The following SLC24A2 variants were observed in gnomAD, a reference collection of about 807,000 sequenced individuals.
SLC24A2 encodes the protein solute carrier family 24 member 2, also known as sodium/potassium/calcium exchanger 2.
In SLC24A2, 36 loss-of-function variants were observed where a neutral mutation model predicts 62.0. The ratio of observed to expected loss-of-function variants is 0.58; its 90% CI spans 0.44 to 0.77. The LOEUF (loss-of-function observed/expected upper bound fraction) is 0.77. SLC24A2 is among the 30% of genes least tolerant of loss of function. The pLI is 0.00. For missense variants in SLC24A2, 846 were observed against 817.9 expected (o/e 1.03, Z -0.42); for synonymous variants, 358 against 294.0 (o/e 1.22, Z -2.23).
chr9:19,851,008 C>CAT, the SLC24A2 span, among the ~76,000 whole-genome samples: 188 of 31,510 alleles, frequency 6.0e-3, 16 homozygotes, highest in African/African-American at 0.013. Flanking sequence ...TATACACATA[C>CAT]ATATATATAT....
At chr9:19,893,398 A>G in the SLC24A2 span, among the ~76,000 whole-genome samples, 1 of 152,138 alleles carries the variant, frequency 6.6e-6, no homozygotes, top group African/African-American at 2.4e-5. Context: ...AACACCACAC[A>G]TCTTGGATCA....
Position 19,701,348 on chromosome 9 carries a change from G to A in SLC24A2, c.931-79049C>T, listed in dbSNP as rs531840445. ...TTCTGGCTGATTTCTAACTGCCAGC[G>A]TCTACCCACCTTTAGTTGAGTGCTA... On this transcript the variant is annotated intron_variant, in intron 2 of 10. Coordinates refer to ENST00000341998, the MANE Select transcript of SLC24A2 (RefSeq NM_020344.4). 9.2e-5 allele frequency among the ~76,000 whole-genome samples: 14 copies of A among 152,274 alleles called. No individual in the cohort carries two copies. The East Asian group carries it at 2.1e-3, about 23-fold the overall frequency.
At chr9:20,209,528 A>G in the SLC24A2 span, among the ~76,000 whole-genome samples, 1 of 152,282 alleles carries the variant, frequency 6.6e-6, no homozygotes, top group East Asian at 1.9e-4. Context: ...CAGACACTGC[A>G]GTTTTGAGAA....
chr9:20,110,630 A>G, the SLC24A2 span, among the ~76,000 whole-genome samples: 2 of 152,180 alleles, frequency 1.3e-5, no homozygotes, highest in Non-Finnish European at 2.9e-5. Context: ...GTGGCTAAAA[A>G]GTACCTATTG....
At chr9:19,948,844 C>CAAAAA in the SLC24A2 span, among the ~76,000 whole-genome samples, 15 of 71,646 alleles carry the variant, frequency 2.1e-4, no homozygotes, top group Non-Finnish European at 3.2e-4. Context: ...GACTCCGTCT[C>CAAAAA]AAAAAAAAAA....
chr9:20,281,463 A>G, the SLC24A2 span, among the ~76,000 whole-genome samples: 1 of 152,178 alleles, frequency 6.6e-6, no homozygotes, highest in African/African-American at 2.4e-5. Flanking sequence ...AGAAACTTCC[A>G]TGTACTCTTT....
the SLC24A2 span, among the ~76,000 whole-genome samples, chr9:20,250,934 C>G: frequency 2.6e-5 from 4 of 152,096 alleles, no homozygotes; most frequent in Non-Finnish European, 5.9e-5. Context: ...TTCCTCGAAG[C>G]GCACTTCTCA....
At chr9:19,918,326 T>C in the SLC24A2 span, among the ~76,000 whole-genome samples, 1 of 151,118 alleles carries the variant, frequency 6.6e-6, no homozygotes, top group Non-Finnish European at 1.5e-5. Context: ...AAGACTGGCC[T>C]GGCATTTTTG....
At chr9:19,555,391 C>T (rs1289702400) in intron 7 of SLC24A2, among the ~76,000 whole-genome samples, 2 of 152,128 alleles carry the variant, frequency 1.3e-5, no homozygotes, top group African/African-American at 4.8e-5. Context: ...GTTTTGTTCA[C>T]TGGGGAGTTC....
the SLC24A2 span, among the ~76,000 whole-genome samples, chr9:19,951,107 A>G: frequency 6.6e-6 from 1 of 152,146 alleles, no homozygotes; most frequent in Non-Finnish European, 1.5e-5. Context: ...TCCCGCCAGG[A>G]AGTATCACTT....
chr9:19,760,033 C>G (rs1822271094), intron 2 of SLC24A2, among the ~76,000 whole-genome samples: 1 of 152,170 alleles, frequency 6.6e-6, no homozygotes, highest in African/African-American at 2.4e-5. Flanking sequence ...GTGTGATCCA[C>G]AGATGATTTT....
chr9:19,757,216 T>A (rs566460798), intron 2 of SLC24A2, among the ~76,000 whole-genome samples: 4 of 152,154 alleles, frequency 2.6e-5, no homozygotes, highest in Non-Finnish European at 5.9e-5. Flanking sequence ...GTTTCATTTG[T>A]CTCTGTACCC....
At chr9:19,982,196 CAG>C in the SLC24A2 span, among the ~76,000 whole-genome samples, 2 of 152,040 alleles carry the variant, frequency 1.3e-5, no homozygotes, top group Non-Finnish European at 2.9e-5. Context: ...GTAAAAGAAA[CAG>C]AGTGTACAAT....
intron 2 of SLC24A2, among the ~76,000 whole-genome samples, chr9:19,689,645 C>T (rs1480521931): frequency 6.6e-6 from 1 of 152,110 alleles, no homozygotes; most frequent in Non-Finnish European, 1.5e-5. Context: ...CAATGGCCTC[C>T]ACTTCTGGCC....
At chr9:19,680,046 A>T (rs1377088109) in intron 2 of SLC24A2, among the ~76,000 whole-genome samples, 2 of 152,136 alleles carry the variant, frequency 1.3e-5, no homozygotes, top group Non-Finnish European at 2.9e-5. Context: ...CCAACTAAAC[A>T]TGAATTTGGC....
chr9:20,234,474 A>C, the SLC24A2 span, among the ~76,000 whole-genome samples: 2 of 151,868 alleles, frequency 1.3e-5, no homozygotes, highest in Non-Finnish European at 2.9e-5. Context: ...CATTTCATTC[A>C]TTTCGTCTTC....
intron 7 of SLC24A2, among the ~76,000 whole-genome samples, chr9:19,570,405 C>T (rs564686972): frequency 1.3e-5 from 2 of 152,298 alleles, no homozygotes; most frequent in African/African-American, 4.8e-5. Context: ...TTTACATCTC[C>T]TCTATTTAGG....
At chr9:20,278,487 C>T in the SLC24A2 span, among the ~76,000 whole-genome samples, 1 of 152,208 alleles carries the variant, frequency 6.6e-6, no homozygotes, top group African/African-American at 2.4e-5. Flanking sequence ...CCACAGGTCT[C>T]TAGGGCAGGG....
chr9:19,693,149 G>T (rs1456729817), intron 2 of SLC24A2, among the ~76,000 whole-genome samples: 1 of 152,022 alleles, frequency 6.6e-6, no homozygotes, highest in Non-Finnish European at 1.5e-5. Context: ...TGCACAATGT[G>T]CAGGTTTGTT....
Sources: gnomAD v4.1 joint callset for allele counts (sites outside exome capture counted in the v4.1 genomes callset) on GRCh38, gnomAD v4.1.1 for gene constraint, MANE v1.5 for transcripts, NCBI Gene and HGNC (gene_info 2026-07-23, HGNC 2026-07-21) for gene names.